The following KHDRBS3 variants were observed in gnomAD, a reference collection of about 807,000 sequenced individuals.
KHDRBS3 encodes KH domain-containing, RNA-binding, signal transduction-associated protein 3.
In KHDRBS3, 23 loss-of-function variants were observed where a neutral mutation model predicts 45.6. The observed-to-expected ratio is 0.50, with a 90% confidence interval of 0.36 to 0.72. The LOEUF is 0.72. KHDRBS3 is among the 30% of genes least tolerant of loss of function. The pLI is 0.00. For synonymous variants in KHDRBS3, 162 were observed against 156.5 expected, an observed-to-expected ratio of 1.04 and a Z score of -0.26; for missense variants, 352 against 424.8, an observed-to-expected ratio of 0.83 and a Z score of 1.51.
At chr8:135,576,298 C>G (rs1288819062) in intron 5 of KHDRBS3, among the ~76,000 whole-genome samples, 2 of 152,150 alleles carry the variant, frequency 1.3e-5, no homozygotes, top group Non-Finnish European at 2.9e-5. Flanking sequence ...CTATGGGGAA[C>G]CCCTGATTAA....
At chr8:135,491,022 G>C (rs1823124220) in intron 1 of KHDRBS3, among the ~76,000 whole-genome samples, 1 of 152,072 alleles carries the variant, frequency 6.6e-6, no homozygotes, top group Admixed American at 6.6e-5. Context: ...TTAGGTATCT[G>C]TTTCATTCTG....
intron 5 of KHDRBS3, among the ~76,000 whole-genome samples, chr8:135,567,478 C>T (rs1481029413): frequency 2.0e-5 from 3 of 152,168 alleles, no homozygotes; most frequent in Non-Finnish European, 4.4e-5. Context: ...GAGCATGTAG[C>T]ACCCCGTGCT....
At chr8:135,621,253 A>G (rs998123261) in intron 7 of KHDRBS3, among the ~76,000 whole-genome samples, 32 of 152,278 alleles carry the variant, frequency 2.1e-4, no homozygotes, top group Admixed American at 5.9e-4. Flanking sequence ...TAAGCAGCCA[A>G]AGGTTGAGAA....
chr8:135,527,771 AAAGTC>A (rs763071660), intron 2 of KHDRBS3, among the ~76,000 whole-genome samples: 4 of 152,226 alleles, frequency 2.6e-5, no homozygotes, highest in Non-Finnish European at 4.4e-5. Context: ...TGAAAAAAGA[AAAGTC>A]AAGATACAGA....
At chr8:135,493,170 C>G (rs1012798219) in intron 1 of KHDRBS3, among the ~76,000 whole-genome samples, 1 of 151,966 alleles carries the variant, frequency 6.6e-6, no homozygotes, top group Non-Finnish European at 1.5e-5. Flanking sequence ...CTCCGCCTCC[C>G]GGGTTCACAC....
At chr8:135,606,009 C>T (rs13439512) in intron 6 of KHDRBS3, among the ~76,000 whole-genome samples, 12,942 of 152,004 alleles carry the variant, frequency 0.085, 964 homozygotes, top group African/African-American at 0.2. Context: ...AGTGACTTTT[C>T]TAAACTAATC....
intron 7 of KHDRBS3, among the ~76,000 whole-genome samples, chr8:135,621,835 A>T (rs1483181035): frequency 1.3e-5 from 2 of 152,116 alleles, no homozygotes; most frequent in Non-Finnish European, 2.9e-5. Flanking sequence ...CTATAGAAAG[A>T]TCCATAGAGA....
intron 5 of KHDRBS3, among the ~76,000 whole-genome samples, chr8:135,560,272 T>A (rs2130844094): frequency 6.6e-6 from 1 of 152,290 alleles, no homozygotes; most frequent in East Asian, 1.9e-4. Flanking sequence ...CTGTGGCTGC[T>A]GTATATAACT....
chr8:135,548,934 C>G, intron 4 of KHDRBS3, 34 bp downstream of exon 4: 1 of 1,458,902 alleles, frequency 6.9e-7, no homozygotes, highest in African/African-American at 1.4e-5. Flanking sequence ...TTAACTTGTA[C>G]TTTAAAGTCT....
rs895045193 is a variant in KHDRBS3, at chr8:135,512,437, G to GGC, written c.89-8799_89-8798insCG. Among the ~76,000 whole-genome samples, 8 of 128,484 alleles carry GGC rather than the reference G, an allele frequency of 6.2e-5. No homozygotes were observed. The South Asian group carries it at 1.1e-3, about 18-fold the overall frequency. 84.3% of individuals were successfully genotyped at this position (128,484 alleles called of 152,430 possible). A position where few individuals can be genotyped will look rare whatever the true frequency, so the allele number is the denominator to read the frequency against. ...AAGGTGTTTGGAAAAGTCGGGGGGG[G>GGC]GGTAATAACTCTATTGATCTTATTA... On this transcript the variant is annotated intron_variant, in intron 1 of 8. Transcript: ENST00000355849.
chr8:135,594,537 C>T (rs1230949443), intron 6 of KHDRBS3, among the ~76,000 whole-genome samples: 1 of 152,114 alleles, frequency 6.6e-6, no homozygotes, highest in African/African-American at 2.4e-5. Flanking sequence ...GGTAAGTTGC[C>T]ATGTGGAAAG....
chr8:135,481,236 A>ATATG lies in KHDRBS3; in HGVS notation c.88+23285_88+23286insGTAT, dbSNP rs1554614701. 4.0e-4 allele frequency among the ~76,000 whole-genome samples: 51 copies of ATATG among 129,022 alleles called. 2 individuals are homozygous for ATATG. The highest frequency in any genetic ancestry group is 6.1e-4 in the East Asian group (3 of 4,914). The allele number at this position is 129,022 out of a possible 152,430, so 84.6% of individuals were successfully genotyped here. ...CATGAAAGCCACGATATATATATAT[A>ATATG]TATATATATATATATTTAATGTAAG... On this transcript the variant is annotated intron_variant, in intron 1 of 8. Transcript: ENST00000355849.
At chr8:135,651,979 A>C (rs1221476218), downstream of KHDRBS3, among the ~76,000 whole-genome samples, 2 of 152,208 alleles carry the variant, frequency 1.3e-5, no homozygotes, top group African/African-American at 4.8e-5. Context: ...CAGAATGTAA[A>C]ACTAATGATT....
intron 1 of KHDRBS3, among the ~76,000 whole-genome samples, chr8:135,505,071 G>A (rs1021157833): frequency 6.6e-6 from 1 of 152,118 alleles, no homozygotes; most frequent in Admixed American, 6.6e-5. Context: ...AGCTTGTCTC[G>A]CCTTTTCTTT....
At chr8:135,641,487 C>T (rs1287168242) in intron 7 of KHDRBS3, among the ~76,000 whole-genome samples, 1 of 152,154 alleles carries the variant, frequency 6.6e-6, no homozygotes, top group South Asian at 2.1e-4. Context: ...AACTTCTGAC[C>T]CTTGGAAAGA....
At chr8:135,488,131 T>C (rs2130387557) in intron 1 of KHDRBS3, among the ~76,000 whole-genome samples, 1 of 152,338 alleles carries the variant, frequency 6.6e-6, no homozygotes, top group Admixed American at 6.5e-5. Flanking sequence ...TATGTTTATA[T>C]GTAAAATTGC....
chr8:135,534,965 T>C (rs1825662044), intron 2 of KHDRBS3, among the ~76,000 whole-genome samples: 1 of 152,200 alleles, frequency 6.6e-6, no homozygotes, highest in Admixed American at 6.5e-5. Flanking sequence ...AGGTCCCCGC[T>C]GACAGCCACC....
chr8:135,579,011 G>A (rs573933078), intron 5 of KHDRBS3, among the ~76,000 whole-genome samples: 94 of 152,276 alleles, frequency 6.2e-4, no homozygotes, highest in African/African-American at 2.1e-3. Context: ...ATGTAGGAAA[G>A]CATTTGACTG....
intron 1 of KHDRBS3, chr8:135,458,917 T>C: frequency 2.2e-6 from 1 of 456,280 alleles, no homozygotes; most frequent in South Asian, 1.5e-5. Flanking sequence ...CACGGTAAAT[T>C]AAGCCTTCCT....
Sources: allele counts gnomAD v4.1 joint callset (sites outside exome capture counted in the v4.1 genomes callset), GRCh38; gene constraint gnomAD v4.1.1; transcripts MANE v1.5; gene names NCBI Gene and HGNC (gene_info 2026-07-23, HGNC 2026-07-21).